RBPMS2: variants seen among roughly 807,000 people sequenced by gnomAD.
RBPMS2 encodes the protein RNA-binding protein with multiple splicing 2.
Under a neutral mutation model 25.7 loss-of-function variants are expected in RBPMS2, and 14 were observed. The observed-to-expected ratio is 0.55, with a 90% confidence interval of 0.36 to 0.85. RBPMS2 has a LOEUF of 0.85. Ranked by LOEUF, RBPMS2 falls within the 40% of genes least tolerant of loss-of-function variation. The pLI, the probability that RBPMS2 is intolerant of heterozygous loss-of-function variation, is 0.01. For missense variants in RBPMS2, 252 were observed against 283.4 expected, an observed-to-expected ratio of 0.89 and a Z score of 0.80; for synonymous variants, 127 against 115.6, an observed-to-expected ratio of 1.10 and a Z score of -0.63.
intron 1 of RBPMS2, among the ~76,000 whole-genome samples, chr15:64,752,269 ATC>A (rs1595788118): frequency 6.6e-6 from 1 of 152,102 alleles, no homozygotes; most frequent in African/African-American, 2.4e-5. Context: ...ACAAAAAAGT[ATC>A]TGTTTTCTAG....
At chr15:64,771,134 T>TC (rs1275979548) in intron 1 of RBPMS2, among the ~76,000 whole-genome samples, 2 of 152,136 alleles carry the variant, frequency 1.3e-5, no homozygotes, top group Non-Finnish European at 2.9e-5. Flanking sequence ...AATACCACTC[T>TC]CCCCCTTCCA....
At chr15:64,759,471 G>C (rs1039750929) in intron 1 of RBPMS2, among the ~76,000 whole-genome samples, 2 of 137,916 alleles carry the variant, frequency 1.5e-5, no homozygotes. Flanking sequence ...GAGAAGAGAA[G>C]TAAGAAGAAG....
In RBPMS2 at chr15:64,740,940, C is replaced by T; in HGVS notation, c.*68G>A. 1 of 464,912 alleles carries T rather than the reference C, an allele frequency of 2.2e-6. No homozygotes were observed. Among genetic ancestry groups the T allele is most frequent in the Non-Finnish European group, 3.9e-6 (1 of 254,798 alleles). 28.8% of individuals were successfully genotyped at this position (464,912 alleles called of 1,614,324 possible). ...GCAGGCCGCCCGGGGGCAGTGGGAA[C>T]TCGGGGCGCCTGTCCCGGCACCACC... On this transcript the variant is annotated 3_prime_UTR_variant, in exon 8 of 8. Coordinates refer to ENST00000300069, the MANE Select transcript of RBPMS2 (RefSeq NM_194272.3).
At chr15:64,762,587 C>A in intron 1 of RBPMS2, 1 of 497,216 alleles carries the variant, frequency 2.0e-6, no homozygotes, top group Admixed American at 2.2e-5. Flanking sequence ...AAGATACCCA[C>A]TGACGAGATT....
intron 1 of RBPMS2, among the ~76,000 whole-genome samples, chr15:64,755,325 G>A (rs1354257915): frequency 6.6e-6 from 1 of 152,142 alleles, no homozygotes; most frequent in African/African-American, 2.4e-5. Context: ...AGTCACGGAT[G>A]AGCTGGTGGG....
chr15:64,750,195 AG>A lies in RBPMS2; in HGVS notation c.204+147del, dbSNP rs1419084523. On this transcript the variant is annotated intron_variant, in intron 3 of 7. Coordinates refer to ENST00000300069, the MANE Select transcript of RBPMS2 (RefSeq NM_194272.3). The stretch of plus-strand genomic sequence containing the variant: ...CCAGTGAAGAGACAGTGGGACCTAC[AG>A]AGGCTGCTCTGTCAGAAACAGGACA... The A allele has an allele frequency of 6.6e-6, 5 of 762,218 alleles. No individual in the cohort carries two copies. The East Asian group carries it at 9.8e-5, about 15-fold the overall frequency. The allele number at this position is 762,218 out of a possible 1,614,324, so 47.2% of individuals were successfully genotyped here. A position where few individuals can be genotyped will look rare whatever the true frequency, so the allele number is the denominator to read the frequency against.
chr15:64,750,439 A>C (rs1453427104), intron 2 of RBPMS2, 58 bp from the exon 3 acceptor site: 35 of 1,465,584 alleles, frequency 2.4e-5, no homozygotes, highest in Non-Finnish European at 3.3e-5. Context: ...GTGCTAGCCC[A>C]GCGCTGCCAC....
At chr15:64,757,810 T>TC (rs35092283) in intron 1 of RBPMS2, among the ~76,000 whole-genome samples, 129,829 of 151,148 alleles carry the variant, frequency 0.86, 56,867 homozygotes, top group East Asian at 0.96. Flanking sequence ...CAAGGCCCTA[T>TC]CCCCCCCCAC....
intron 1 of RBPMS2, among the ~76,000 whole-genome samples, chr15:64,764,542 G>A (rs1465545902): frequency 6.6e-6 from 1 of 152,150 alleles, no homozygotes. Flanking sequence ...CCTGCATTCT[G>A]ATTTGCAGCT....
chr15:64,773,040 T>C lies in RBPMS2; in HGVS notation c.87+2193A>G, dbSNP rs78749310. Among the ~76,000 whole-genome samples, 900 of 152,298 alleles carry C rather than the reference T, an allele frequency of 5.9e-3. 7 individuals carry two copies. The highest frequency in any genetic ancestry group is 0.012 in the South Asian group (60 of 4,822). The stretch of plus-strand genomic sequence containing the variant: ...GCCAGTGACCCAGCGCCTTTAGGAA[T>C]TGAGGTCTTACGGCGTGCAGCAGCA... On this transcript the variant is annotated intron_variant, in intron 1 of 7. Transcript: ENST00000300069.
At chr15:64,763,010 G>A (rs914073536) in intron 1 of RBPMS2, among the ~76,000 whole-genome samples, 4 of 150,776 alleles carry the variant, frequency 2.7e-5, no homozygotes, top group South Asian at 2.1e-4. Context: ...GAACAGAAAC[G>A]TCAGGGCAGT....
In RBPMS2 at chr15:64,775,370, G is replaced by C; in HGVS notation, c.-51C>G. 2 of 1,124,412 alleles carry C rather than the reference G, an allele frequency of 1.8e-6. No homozygotes were observed. The highest frequency in any genetic ancestry group is 3.4e-5 in the South Asian group (1 of 29,246). 69.7% of individuals were successfully genotyped at this position (1,124,412 alleles called of 1,614,324 possible). A position where few individuals can be genotyped will look rare whatever the true frequency, so the allele number is the denominator to read the frequency against. On this transcript the variant is annotated 5_prime_UTR_variant, in exon 1 of 8. Transcript: ENST00000300069. Reference sequence around the variant, plus strand: ...GGAACGCGAGGGCGAGCGCGGCGCCGGCCCCGCGGGAAGTGGGAAGGGGCG... The same window carrying C: ...GGAACGCGAGGGCGAGCGCGGCGCCCGCCCCGCGGGAAGTGGGAAGGGGCG...
At chr15:64,753,342 C>T (rs778645758) in intron 1 of RBPMS2, among the ~76,000 whole-genome samples, 8 of 152,208 alleles carry the variant, frequency 5.3e-5, no homozygotes, top group Non-Finnish European at 1.2e-4. Context: ...TACCAAAGAA[C>T]TTGCTCCGCT....
chr15:64,758,188 C>T (rs1362509829), intron 1 of RBPMS2, among the ~76,000 whole-genome samples: 2 of 152,202 alleles, frequency 1.3e-5, no homozygotes, highest in Non-Finnish European at 2.9e-5. Context: ...TGCTGGAAGG[C>T]ACCAAACGCA....
At chr15:64,748,346 T>C in intron 6 of RBPMS2, 73 bp downstream of exon 6, 1 of 1,497,520 alleles carries the variant, frequency 6.7e-7, no homozygotes, top group Non-Finnish European at 9.1e-7. Context: ...AGCGGCCAAG[T>C]GGCCAGGCAC....
chr15:64,761,970 A>G lies in RBPMS2; in HGVS notation c.88-10332T>C, dbSNP rs151250627. ...AGTGATCCATCCGCCTCAGCATCCC[A>G]AAGTGCTGGGATTACAAGCATGAGC... On this transcript the variant is annotated intron_variant, in intron 1 of 7. Coordinates refer to ENST00000300069, the MANE Select transcript of RBPMS2 (RefSeq NM_194272.3). 3.4e-3 allele frequency among the ~76,000 whole-genome samples: 515 copies of G among 152,070 alleles called. 1 individual carries two copies. Among genetic ancestry groups the G allele is most frequent in the African/African-American group, 0.012 (496 of 41,492 alleles).
intron 2 of RBPMS2, among the ~76,000 whole-genome samples, chr15:64,750,761 T>G (rs1028893605): frequency 1.3e-5 from 2 of 152,194 alleles, no homozygotes; most frequent in African/African-American, 4.8e-5. Flanking sequence ...TACTGTTAGC[T>G]GGGCATCATG....
At chr15:64,746,520 A>C (rs1367166638) in intron 6 of RBPMS2, among the ~76,000 whole-genome samples, 2 of 152,222 alleles carry the variant, frequency 1.3e-5, no homozygotes, top group Admixed American at 1.3e-4. Context: ...TAACGTGCCC[A>C]ATGTCCCACA....
intron 5 of RBPMS2, 125 bp downstream of exon 5, chr15:64,748,875 G>A: frequency 2.7e-6 from 3 of 1,117,700 alleles, no homozygotes; most frequent in Non-Finnish European, 3.8e-6. Flanking sequence ...AAAACCAGGT[G>A]TTTCAAAAAT....
Sources: allele counts gnomAD v4.1 joint callset (sites outside exome capture counted in the v4.1 genomes callset), GRCh38; gene constraint gnomAD v4.1.1; transcripts MANE v1.5; gene names NCBI Gene and HGNC (gene_info 2026-07-23, HGNC 2026-07-21).